The following PLXNA2 variants were observed in gnomAD, a reference collection of about 807,000 sequenced individuals.
PLXNA2 encodes the protein plexin-A2.
PLXNA2 carries 91 observed loss-of-function variants against 193.5 expected under a neutral mutation model. The ratio of observed to expected loss-of-function variants is 0.47; its 90% CI spans 0.40 to 0.56. The LOEUF (loss-of-function observed/expected upper bound fraction) is 0.56, where lower values mean the gene tolerates loss of function less well. PLXNA2 is among the 20% of genes least tolerant of loss of function. PLXNA2 has a pLI of 0.00. For synonymous variants in PLXNA2, 997 were observed against 1,027.3 expected (o/e 0.97, Z 0.56); for missense variants, 1,995 against 2,503.2 (o/e 0.80, Z 4.33).
chr1:208,121,640 C>A (rs1667810133), intron 4 of PLXNA2, among the ~76,000 whole-genome samples: 1 of 152,092 alleles, frequency 6.6e-6, no homozygotes, highest in African/African-American at 2.4e-5. Context: ...CTGAGGCCTC[C>A]CCAGTCATGC....
At chr1:208,165,797 G>T (rs537583916) in intron 3 of PLXNA2, among the ~76,000 whole-genome samples, 1 of 152,204 alleles carries the variant, frequency 6.6e-6, no homozygotes, top group South Asian at 2.1e-4. Context: ...TCAAGCCTCC[G>T]GTGACTTCAT....
intron 12 of PLXNA2, among the ~76,000 whole-genome samples, chr1:208,074,034 C>A (rs1479579750): frequency 6.6e-6 from 1 of 152,206 alleles, no homozygotes; most frequent in African/African-American, 2.4e-5. Context: ...GCTAGGGCAG[C>A]CCTAGGAAAC....
At chr1:208,072,692 A>G (rs1243109272) in intron 12 of PLXNA2, among the ~76,000 whole-genome samples, 1 of 152,202 alleles carries the variant, frequency 6.6e-6, no homozygotes, top group East Asian at 1.9e-4. Context: ...GCTTCCCCCA[A>G]AAGGCAAGAA....
At chr1:208,129,441 G>A (rs1668081045) in intron 4 of PLXNA2, among the ~76,000 whole-genome samples, 1 of 152,172 alleles carries the variant, frequency 6.6e-6, no homozygotes, top group East Asian at 1.9e-4. Flanking sequence ...AAGGTGGGTG[G>A]ATTGAGCCCC....
At chr1:208,201,829 C>CT (rs1168580490) in intron 3 of PLXNA2, among the ~76,000 whole-genome samples, 1 of 152,168 alleles carries the variant, frequency 6.6e-6, no homozygotes, top group Non-Finnish European at 1.5e-5. Context: ...TGCCCAAGCT[C>CT]TGCACTCCAT....
intron 8 of PLXNA2, among the ~76,000 whole-genome samples, chr1:208,093,774 C>G (rs766299216): frequency 6.6e-6 from 1 of 152,166 alleles, no homozygotes; most frequent in African/African-American, 2.4e-5. Context: ...CCAATTTCAC[C>G]TGGAGACTGT....
Position 208,082,296 on chromosome 1 carries a change from C to T in PLXNA2, c.2395+116G>A, listed in dbSNP as rs927514702. ...TTTAGGATCCTCTGAAGAGTTCCGC[C>T]GACAGAGGGAGTGTATTATTCATGG... On this transcript the variant is annotated intron_variant, in intron 11 of 31. Coordinates refer to ENST00000367033, the MANE Select transcript of PLXNA2 (RefSeq NM_025179.4). The surrounding 1 kb of genome is among the most constrained non-coding windows in gnomAD (Gnocchi z 4.2). The T allele has an allele frequency of 1.3e-5, 10 of 774,008 alleles. No homozygotes were observed. Among genetic ancestry groups the T allele is most frequent in the East Asian group, 2.7e-5 (1 of 36,958 alleles). The allele number at this position is 774,008 out of a possible 1,614,324, so 47.9% of individuals were successfully genotyped here. A position where few individuals can be genotyped will look rare whatever the true frequency, so the allele number is the denominator to read the frequency against.
chr1:208,031,312 G>A, intron 29 of PLXNA2: 1 of 1,271,108 alleles, frequency 7.9e-7, no homozygotes, highest in Non-Finnish European at 1.0e-6. Flanking sequence ...CAGGGGAGGA[G>A]GCTCTTCTTG....
chr1:208,186,612 G>A (rs185615626), intron 3 of PLXNA2, among the ~76,000 whole-genome samples: 9 of 152,288 alleles, frequency 5.9e-5, no homozygotes, highest in African/African-American at 1.4e-4. Context: ...GGCAGGAGGC[G>A]GTGATGGAGA....
intron 4 of PLXNA2, among the ~76,000 whole-genome samples, chr1:208,105,900 ACAGCC>A (rs911886270): frequency 2.6e-5 from 4 of 152,168 alleles, no homozygotes; most frequent in Admixed American, 1.3e-4. Context: ...CTGTCAAAAC[ACAGCC>A]CAGCCCTCAG....
intron 28 of PLXNA2, 22 bp from the exon 29 acceptor site, chr1:208,031,781 G>T: frequency 6.4e-7 from 1 of 1,565,850 alleles, no homozygotes; most frequent in Non-Finnish European, 8.7e-7. Context: ...GTGGGGGAGA[G>T]TAAGATGGAG....
At chr1:208,241,298 A>G (rs1672041942) in intron 1 of PLXNA2, among the ~76,000 whole-genome samples, 1 of 152,210 alleles carries the variant, frequency 6.6e-6, no homozygotes, top group Non-Finnish European at 1.5e-5. Flanking sequence ...CCGCATCTGC[A>G]GCTTTTGATG....
At chr1:208,227,071 T>C (rs2102630662) in intron 1 of PLXNA2, among the ~76,000 whole-genome samples, 1 of 152,174 alleles carries the variant, frequency 6.6e-6, no homozygotes, top group East Asian at 1.9e-4. Flanking sequence ...ATTATGGGAT[T>C]AAAGGACAAA....
rs1665012512 is a variant in PLXNA2, at chr1:208,045,055, G to A, written c.3639+12C>T. ...GCGGGAAGGAGGCATTACAGACGCA[G>A]GGCTCACTCACCATGACCTTGTGCT... On this transcript the variant is annotated intron_variant, in intron 19 of 31. Transcript: ENST00000367033. 1 of 1,613,938 alleles carries A rather than the reference G, an allele frequency of 6.2e-7. No homozygotes were observed. The highest frequency in any genetic ancestry group is 1.7e-5 in the Admixed American group (1 of 60,004).
chr1:208,237,470 A>C (rs1394789650), intron 1 of PLXNA2, among the ~76,000 whole-genome samples: 2 of 152,154 alleles, frequency 1.3e-5, no homozygotes, highest in Non-Finnish European at 2.9e-5. Context: ...ACAACACGAA[A>C]ATCCTTGGGA....
intron 3 of PLXNA2, among the ~76,000 whole-genome samples, chr1:208,171,146 T>C (rs1669483925): frequency 6.6e-6 from 1 of 152,180 alleles, no homozygotes; most frequent in Non-Finnish European, 1.5e-5. Context: ...TTGATAAACT[T>C]GGGAAGAGGC....
rs943662431 is a variant in PLXNA2, at chr1:208,173,835, A to G, written c.1372-31372T>C. ...CATTACCAGTCTGACCTGCAGAAGG[A>G]TGAGCAGCACCAAGCCAGGAAGAAG... On this transcript the variant is annotated intron_variant, in intron 3 of 31. Transcript: ENST00000367033. Among the ~76,000 whole-genome samples the G allele has an allele frequency of 4.6e-5, 7 of 152,346 alleles. 1 individual carries two copies. In the East Asian group the frequency reaches 1.4e-3, roughly 29 times the overall value.
intron 4 of PLXNA2, among the ~76,000 whole-genome samples, chr1:208,131,363 C>T (rs1037378367): frequency 2.0e-5 from 3 of 152,172 alleles, no homozygotes; most frequent in African/African-American, 7.2e-5. Context: ...TCGTGTTGAT[C>T]AAAACAACAA....
intron 3 of PLXNA2, among the ~76,000 whole-genome samples, chr1:208,173,761 G>A (rs1454805165): frequency 2.0e-5 from 3 of 152,172 alleles, no homozygotes; most frequent in African/African-American, 7.2e-5. Context: ...AACTAGCATT[G>A]GCCAGCCATA....
Sources: gnomAD v4.1 joint callset for allele counts (sites outside exome capture counted in the v4.1 genomes callset) on GRCh38, gnomAD v4.1.1 for gene constraint, Gnocchi (gnomAD v3.1) non-coding constraint, MANE v1.5 for transcripts, NCBI Gene and HGNC (gene_info 2026-07-23, HGNC 2026-07-21) for gene names.